SLC67A2: variants seen among roughly 807,000 people sequenced by gnomAD.
SLC67A2 encodes the protein solute carrier family 67 member 2.
chr2:102,736,818 C>G, the SLC67A2 span: 2 of 1,595,682 alleles, frequency 1.3e-6, no homozygotes, highest in South Asian at 1.1e-5. Context: ...CATACCCGCG[C>G]CGGCCGGGGG....
the SLC67A2 span, chr2:102,736,632 A>G: frequency 1.2e-6 from 2 of 1,613,584 alleles, no homozygotes; most frequent in Admixed American, 1.7e-5. Context: ...CCCAGCCCCC[A>G]CGCTCGCACT....
chr2:102,723,701 A>G, the SLC67A2 span: 1 of 1,613,804 alleles, frequency 6.2e-7, no homozygotes, highest in African/African-American at 1.3e-5. Context: ...TCAACTTACC[A>G]GCATTGAGAA....
chr2:102,719,074 G>A, the SLC67A2 span: 1 of 1,614,218 alleles, frequency 6.2e-7, no homozygotes. Flanking sequence ...TGCTGGCCCT[G>A]GCTCTGCGGC....
At chr2:102,719,581 G>C in the SLC67A2 span, among the ~76,000 whole-genome samples, 1 of 152,028 alleles carries the variant, frequency 6.6e-6, no homozygotes, top group Non-Finnish European at 1.5e-5. Flanking sequence ...GTCTGTCCAC[G>C]TAACATCCAT....
the SLC67A2 span, among the ~76,000 whole-genome samples, chr2:102,736,159 T>C: frequency 6.6e-6 from 1 of 152,074 alleles, no homozygotes; most frequent in Non-Finnish European, 1.5e-5. Flanking sequence ...TTTTAATATT[T>C]AAGTCAACCA....
chr2:102,721,485 G>A, the SLC67A2 span, among the ~76,000 whole-genome samples: 4 of 152,166 alleles, frequency 2.6e-5, no homozygotes, highest in Admixed American at 2.6e-4. Context: ...TGAATATGAA[G>A]ATTCAAAAAG....
the SLC67A2 span, chr2:102,731,975 C>G: frequency 3.8e-5 from 14 of 372,962 alleles, no homozygotes; most frequent in East Asian, 1.0e-3. Context: ...TCCCTGGTCT[C>G]TCACATTAGG....
At chr2:102,718,520 G>T in the SLC67A2 span, 1 of 1,613,700 alleles carries the variant, frequency 6.2e-7, no homozygotes, top group East Asian at 2.2e-5. Flanking sequence ...GCCCAGGCTG[G>T]GGGGGCCGCA....
At chr2:102,718,381 C>A in the SLC67A2 span, 2 of 1,605,642 alleles carry the variant, frequency 1.2e-6, no homozygotes, top group South Asian at 1.1e-5. Flanking sequence ...CCTCATTCAA[C>A]CATCTCAAAT....
the SLC67A2 span, among the ~76,000 whole-genome samples, chr2:102,729,312 C>A: frequency 6.6e-6 from 1 of 152,060 alleles, no homozygotes; most frequent in Non-Finnish European, 1.5e-5. Flanking sequence ...CTAACTATTG[C>A]CAGGTACTCT....
the SLC67A2 span, chr2:102,723,994 T>G: frequency 3.5e-6 from 4 of 1,136,346 alleles, no homozygotes; most frequent in Non-Finnish European, 5.3e-6. Flanking sequence ...CCTCTATCCC[T>G]GATGGAGTTC....
chr2:102,725,868 A>G, the SLC67A2 span, among the ~76,000 whole-genome samples: 1 of 152,196 alleles, frequency 6.6e-6, no homozygotes. Flanking sequence ...AAAAGCAAGC[A>G]GTTTAACAAA....
At chr2:102,734,552 A>G in the SLC67A2 span, among the ~76,000 whole-genome samples, 2 of 152,076 alleles carry the variant, frequency 1.3e-5, no homozygotes, top group Non-Finnish European at 2.9e-5. Flanking sequence ...TCAAAAAAAA[A>G]CTAAATTATG....
the SLC67A2 span, chr2:102,736,418 C>T: frequency 1.6e-6 from 2 of 1,230,180 alleles, no homozygotes; most frequent in African/African-American, 1.5e-5. Context: ...GAAGACGTTC[C>T]GCGAACGGGG....
chr2:102,729,645 T>G, the SLC67A2 span, among the ~76,000 whole-genome samples: 14 of 152,176 alleles, frequency 9.2e-5, no homozygotes. Context: ...CAATGACAGA[T>G]GACTCTTAGA....
At chr2:102,721,300 T>A in the SLC67A2 span, among the ~76,000 whole-genome samples, 3 of 152,196 alleles carry the variant, frequency 2.0e-5, no homozygotes, top group South Asian at 6.2e-4. Flanking sequence ...GGCATGTGTT[T>A]GAGATTTTTA....
chr2:102,719,014 C>A, the SLC67A2 span: 1 of 1,614,242 alleles, frequency 6.2e-7, no homozygotes, highest in Non-Finnish European at 8.5e-7. Context: ...GCAGGTTCTT[C>A]ATGTTCCGCA....
the SLC67A2 span, among the ~76,000 whole-genome samples, chr2:102,725,654 C>T: frequency 1.3e-5 from 2 of 152,078 alleles, no homozygotes; most frequent in Non-Finnish European, 2.9e-5. Context: ...CACATTTAAG[C>T]AAAGACCTTC....
chr2:102,723,892 G>A, the SLC67A2 span: 6 of 1,613,842 alleles, frequency 3.7e-6, no homozygotes, highest in African/African-American at 2.7e-5. Flanking sequence ...GAGATGGAGA[G>A]AGTGTGTTTA....
Sources: allele counts gnomAD v4.1 joint callset (sites outside exome capture counted in the v4.1 genomes callset), GRCh38; gene constraint gnomAD v4.1.1; transcripts MANE v1.5; gene names NCBI Gene and HGNC (gene_info 2026-07-23, HGNC 2026-07-21).